The following ANKLE2 variants were observed in gnomAD, a reference collection of about 807,000 sequenced individuals.
The protein encoded by ANKLE2 is ankyrin repeat and LEM domain containing 2.
Under a neutral mutation model 84.2 loss-of-function variants are expected in ANKLE2, and 55 were observed. The ratio of observed to expected loss-of-function variants is 0.65; its 90% confidence interval spans 0.53 to 0.82. ANKLE2 has a LOEUF of 0.82. ANKLE2 is among the 40% of genes least tolerant of loss of function. The pLI is 0.00. For synonymous variants in ANKLE2, 551 were observed against 486.1 expected, an observed-to-expected ratio of 1.13 and a Z score of -1.76; for missense variants, 1,238 against 1,201.9, an observed-to-expected ratio of 1.03 and a Z score of -0.44.
At chr12:132,741,895 A>C (rs1394823249) in intron 6 of ANKLE2, 1 of 457,792 alleles carries the variant, frequency 2.2e-6, no homozygotes, top group African/African-American at 2.0e-5. Flanking sequence ...GGAGCTCCTA[A>C]GTAACACGGA....
chr12:132,750,685 G>C lies in ANKLE2; in HGVS notation c.805C>G (p.Pro269Ala). ...SPSKTSLPLS[P>A]VKTAPLFSND... is the part of the protein sequence containing the mutation. The stretch of plus-strand genomic sequence containing the variant: ...CTAAAGAGTGGAGCTGTTTTCACAG[G>C]AGACAGTGGTAAGGACGTTTTGCTT... The change falls in exon 3 of 13, where the codon CCT becomes GCT. Residue 269 changes from proline (P) to alanine (A), a missense_variant. By Grantham distance (27) the Pro-to-Ala change is conservative. Around this residue, in one of 3 missense-constraint regions of ANKLE2, gnomAD observed 422 missense variants for 394.5 expected, o/e 1.07. Coordinates refer to ENST00000357997, the MANE Select transcript of ANKLE2 (RefSeq NM_015114.3). The C allele has an allele frequency of 1.2e-6, 2 of 1,614,240 alleles. No individual in the cohort carries two copies. Among genetic ancestry groups the C allele is most frequent in the Non-Finnish European group, 1.7e-6 (2 of 1,180,040 alleles).
intron 10 of ANKLE2, chr12:132,731,787 T>C (rs373818199): frequency 2.0e-5 from 3 of 152,254 alleles, no homozygotes; most frequent in African/African-American, 7.2e-5. Context: ...CCGGCCATCG[T>C]TGATGTTTTT....
rs757112406 is a variant in ANKLE2 at position 132,754,883 on chromosome 12, G to C, written c.432C>G (p.Asn144Lys). 8.1e-6 allele frequency: 13 copies of C among 1,614,064 alleles called. No individual in the cohort carries two copies. The highest frequency in any genetic ancestry group is 1.1e-5 in the Non-Finnish European group (13 of 1,180,040). Reference protein sequence around the residue: ...PQRILKPAEGNPTDQAGFSED... With the variant: ...PQRILKPAEGKPTDQAGFSED... The stretch of plus-strand genomic sequence containing the variant: ...CAGAAAAACCAGCCTGATCAGTTGG[G>C]TTCCCTTCAGCTGGCTTCAAAATCC... The change falls in exon 2 of 13, where the codon AAC becomes AAG. Residue 144 changes from asparagine (N) to lysine (K), a missense_variant. Physicochemically the swap from Asn to Lys is moderately conservative, Grantham distance 94. Around this residue, in one of 3 missense-constraint regions of ANKLE2, gnomAD observed 422 missense variants for 394.5 expected, o/e 1.07. Coordinates refer to ENST00000357997, the MANE Select transcript of ANKLE2 (RefSeq NM_015114.3).
intron 1 of ANKLE2, chr12:132,755,778 C>T (rs2044468356): frequency 6.6e-6 from 1 of 151,762 alleles, no homozygotes; most frequent in African/African-American, 2.4e-5. Context: ...CCAGGTTGGT[C>T]TTGCACTCCC....
chr12:132,733,164 G>A (rs1188103312), intron 10 of ANKLE2, among the ~76,000 whole-genome samples: 9 of 143,360 alleles, frequency 6.3e-5, no homozygotes, highest in Non-Finnish European at 1.1e-4. Context: ...GATATGCACC[G>A]TGTGAAGCTC....
rs767476280 is a variant in ANKLE2 at position 132,743,142 on chromosome 12, A to G, written c.1353+12T>C. On this transcript the variant is annotated intron_variant, in intron 6 of 12. Coordinates refer to ENST00000357997, the MANE Select transcript of ANKLE2 (RefSeq NM_015114.3). The surrounding 1 kb of genome is among the most constrained non-coding windows in gnomAD (Gnocchi z 4.1). ...AACTCTAGATAGCAACTGCATTGTAATAAGTACTTACATCTTCAGGTGTTT... is the reference window on the plus strand; with the variant it reads ...AACTCTAGATAGCAACTGCATTGTAGTAAGTACTTACATCTTCAGGTGTTT... The G allele has an allele frequency of 3.8e-6, 6 of 1,592,482 alleles. No individual in the cohort carries two copies. The highest frequency in any genetic ancestry group is 5.1e-6 in the Non-Finnish European group (6 of 1,167,792).
At chr12:132,755,503 C>T (rs1326149190) in intron 1 of ANKLE2, 1 of 166,750 alleles carries the variant, frequency 6.0e-6, no homozygotes, top group African/African-American at 2.4e-5. Context: ...CGAGATCACA[C>T]CCCTGCACTC....
chr12:132,750,572 G>A, intron 3 of ANKLE2, 71 bp downstream of exon 3: 1 of 1,548,668 alleles, frequency 6.5e-7, no homozygotes, highest in Non-Finnish European at 8.9e-7. Context: ...CACATCAGAG[G>A]AAAGAAGGCA....
chr12:132,730,489 G>A (rs191791673), intron 10 of ANKLE2: 40 of 534,266 alleles, frequency 7.5e-5, no homozygotes, highest in African/African-American at 6.2e-4. Context: ...CCACCCACAC[G>A]ACTCCCTGGA....
chr12:132,734,985 C>T, intron 9 of ANKLE2: 1 of 287,502 alleles, frequency 3.5e-6, no homozygotes, highest in South Asian at 4.3e-5. Flanking sequence ...TCCAGTTGTA[C>T]ACCTGACACT....
rs2044020824 is a variant in ANKLE2 at position 132,736,923 on chromosome 12, T to C, written c.1563A>G (p.Arg521=). ...CTGGACTCAGGGGCCCTGCGAAGGC[T>C]CTCAGGGTCAGTACCGGGTCTCTGG... is the stretch of plus-strand genomic sequence containing the variant. ...GSPRDPVLTL[R]AFAGPLSPAK... is the part of the protein sequence containing the mutation. The change falls in exon 8 of 13, where the codon AGA becomes AGG. Residue 521 remains arginine, a synonymous_variant. Coordinates refer to ENST00000357997, the MANE Select transcript of ANKLE2 (RefSeq NM_015114.3). 1.2e-6 allele frequency: 2 copies of C among 1,612,208 alleles called. No homozygotes were observed. Among genetic ancestry groups the C allele is most frequent in the East Asian group, 4.5e-5 (2 of 44,828 alleles).
chr12:132,742,182 GATACAC>G (rs1444820684), intron 6 of ANKLE2: 41 of 194,954 alleles, frequency 2.1e-4, no homozygotes, highest in African/African-American at 1.2e-3. Context: ...TTGAAGTACA[GATACAC>G]ACACACACAC....
intron 10 of ANKLE2, chr12:132,732,179 A>G (rs1397908543): frequency 7.1e-6 from 1 of 141,416 alleles, no homozygotes; most frequent in African/African-American, 2.8e-5. Flanking sequence ...TCTGATACGC[A>G]CCGTGTGAAG....
chr12:132,728,307 G>C (rs780532669), intron 11 of ANKLE2, 144 bp from the exon 12 acceptor site: 1 of 927,788 alleles, frequency 1.1e-6, no homozygotes, highest in Non-Finnish European at 1.6e-6. Context: ...TCGGCTCATC[G>C]CAAGCTCCGC....
At chr12:132,750,543 C>G in intron 3 of ANKLE2, 100 bp downstream of exon 3, 1 of 1,311,096 alleles carries the variant, frequency 7.6e-7, no homozygotes. Context: ...ACTCTACCCT[C>G]ATGGAGAAAA....
rs534331014 is a variant in ANKLE2 at position 132,735,507 on chromosome 12, T to A, written c.1599A>T (p.Glu533Asp). The A allele has an allele frequency of 5.6e-6, 9 of 1,612,340 alleles. No homozygotes were observed. The East Asian group carries it at 1.8e-4, about 32-fold the overall frequency. ...FAGPLSPAKA[E>D]DFRKLWKTPP... ...GAGTTTTCCAGAGCTTGCGAAAATC[T>A]TCTGCCTATGAAGAAAAAAAAATGT... The change falls in exon 9 of 13, where the codon GAA becomes GAT. Residue 533 changes from glutamate (E) to aspartate (D), a missense_variant. This residue lies in a region of ANKLE2 where 802 missense variants were observed against 774.5 expected (regional missense o/e 1.04). Coordinates refer to ENST00000357997, the MANE Select transcript of ANKLE2 (RefSeq NM_015114.3).
intron 10 of ANKLE2, chr12:132,732,190 CGCTCTGCGTCCTGGTGTCTG>C (rs2043869230): frequency 1.1e-4 from 16 of 142,258 alleles, no homozygotes; most frequent in South Asian, 4.5e-4. Flanking sequence ...CCGTGTGAAG[CGCTCTGCGTCCTGGTGTCTG>C]ATACGCACCG....
Position 132,735,513 on chromosome 12 carries a change from C to A in ANKLE2, c.1594-1G>T. 2 of 1,608,326 alleles carry A rather than the reference C, an allele frequency of 1.2e-6. No individual in the cohort carries two copies. Among genetic ancestry groups the A allele is most frequent in the Non-Finnish European group, 1.7e-6 (2 of 1,178,326 alleles). ...TCCAGAGCTTGCGAAAATCTTCTGC[C>A]TATGAAGAAAAAAAAATGTATTGAG... On this transcript the variant is annotated splice_acceptor_variant, in intron 8 of 12. Coordinates refer to ENST00000357997, the MANE Select transcript of ANKLE2 (RefSeq NM_015114.3). LOFTEE classifies it high-confidence loss of function.
At chr12:132,729,107 C>CTT (rs2043769798) in intron 11 of ANKLE2, among the ~76,000 whole-genome samples, 1 of 151,696 alleles carries the variant, frequency 6.6e-6, no homozygotes, top group Admixed American at 6.6e-5. Flanking sequence ...GATCCCAACA[C>CTT]TTTGGGAGGC....
Sources: allele counts gnomAD v4.1 joint callset (sites outside exome capture counted in the v4.1 genomes callset), GRCh38; gene constraint gnomAD v4.1.1; regional missense constraint gnomAD v4.1.1; non-coding constraint Gnocchi (gnomAD v3.1); transcripts MANE v1.5; gene names NCBI Gene and HGNC (gene_info 2026-07-23, HGNC 2026-07-21).